The following SKOR2 variants were observed in gnomAD, a reference collection of about 807,000 sequenced individuals.
The protein encoded by SKOR2 is SKI family transcriptional corepressor 2, also known as LBX1 corepressor 1-like protein.
A neutral mutation model predicts 69.1 loss-of-function variants in SKOR2; 47 were observed. That is an observed-to-expected ratio of 0.68 (90% CI 0.54 to 0.87). The LOEUF is 0.87. SKOR2 is among the 40% of genes least tolerant of loss of function. The pLI is 0.00. For missense variants in SKOR2, 1,404 were observed against 1,472.2 expected, an observed-to-expected ratio of 0.95 and a Z score of 0.76; for synonymous variants, 717 against 672.6, an observed-to-expected ratio of 1.07 and a Z score of -1.02.
chr18:47,239,670 C>G (rs1235483698), intron 4 of SKOR2, among the ~76,000 whole-genome samples: 1 of 152,090 alleles, frequency 6.6e-6, no homozygotes, highest in African/African-American at 2.4e-5. Flanking sequence ...TTGCCCTTCT[C>G]TATCTCCTTG....
chr18:47,247,078 GGGCGGCGGCGGCGGC>G lies in SKOR2; in HGVS notation c.2091_2105del (p.Pro702_Pro706del), dbSNP rs753158744. The G allele has an allele frequency of 2.9e-6, 4 of 1,369,138 alleles. No individual in the cohort carries two copies. The Admixed American group carries it at 9.5e-5, about 33-fold the overall frequency. 84.8% of individuals were successfully genotyped at this position (1,369,138 alleles called of 1,614,324 possible). Reference sequence around the variant, plus strand: ...GGTGCTGGGCCAGAGGGGGCGGCGGGGGCGGCGGCGGCGGCGGCGGCGGGGCCGGGTGGTGGCGCT... The same window carrying G: ...GGTGCTGGGCCAGAGGGGGCGGCGGGGGCGGCGGGGCCGGGTGGTGGCGCT... On this transcript the variant is annotated inframe_deletion, in exon 2 of 9. Coordinates refer to ENST00000425639, the MANE Select transcript of SKOR2 (RefSeq NM_001278063.4). The surrounding 1 kb of genome is among the most constrained non-coding windows in gnomAD (Gnocchi z 6.6).
chr18:47,220,804 T>C lies in SKOR2; in HGVS notation c.2918-794A>G, dbSNP rs569565684. On this transcript the variant is annotated intron_variant, in intron 6 of 8. Transcript: ENST00000425639. ...GCCTTTTTCTGCACTGAAGGAGAAA[T>C]GAGCACGATTTCTTATTGAATTTGT... Among the ~76,000 whole-genome samples, 5 of 152,294 alleles carry C rather than the reference T, an allele frequency of 3.3e-5. No homozygotes were observed. In the South Asian group the frequency reaches 1.0e-3, roughly 32 times the overall value.
chr18:47,249,215 A>G lies in SKOR2; in HGVS notation c.-32T>C. The stretch of plus-strand genomic sequence containing the variant: ...CGCAGAACCCCGGGCCGAGCCCTAC[A>G]GGTCTGCCTTGGACACTGGAAGGGA... On this transcript the variant is annotated 5_prime_UTR_variant, in exon 2 of 9. Transcript: ENST00000425639. 1 of 1,524,846 alleles carries G rather than the reference A, an allele frequency of 6.6e-7. No homozygotes were observed. The highest frequency in any genetic ancestry group is 8.8e-7 in the Non-Finnish European group (1 of 1,141,264). 94.5% of individuals were successfully genotyped at this position (1,524,846 alleles called of 1,614,324 possible).
chr18:47,231,546 TA>T (rs201396814), intron 4 of SKOR2, among the ~76,000 whole-genome samples: 6 of 151,534 alleles, frequency 4.0e-5, no homozygotes, highest in Admixed American at 6.6e-5. Context: ...TGTTTTTTTT[TA>T]AAAAAAACAA....
At chr18:47,209,255 G>A (rs990196289) in intron 8 of SKOR2, among the ~76,000 whole-genome samples, 9 of 152,072 alleles carry the variant, frequency 5.9e-5, no homozygotes, top group African/African-American at 2.2e-4. Flanking sequence ...TAGTCATATT[G>A]GAATCCACTG....
intron 6 of SKOR2, among the ~76,000 whole-genome samples, chr18:47,228,218 C>T (rs903314782): frequency 6.6e-6 from 1 of 152,226 alleles, no homozygotes; most frequent in African/African-American, 2.4e-5. Context: ...ATCTAAACCA[C>T]GCATTATTTA....
intron 6 of SKOR2, 84 bp downstream of exon 6, chr18:47,230,375 A>T: frequency 1.2e-6 from 1 of 841,238 alleles, no homozygotes; most frequent in Non-Finnish European, 1.6e-6. Flanking sequence ...ACAATCGCTT[A>T]ATACTTAGAA....
chr18:47,209,425 C>T (rs568381797), intron 8 of SKOR2, among the ~76,000 whole-genome samples: 32 of 152,230 alleles, frequency 2.1e-4, no homozygotes, highest in Middle Eastern at 3.4e-3. Context: ...TGGGGTAACT[C>T]CTTGCAGACT....
intron 6 of SKOR2, among the ~76,000 whole-genome samples, chr18:47,226,151 A>C (rs1198924360): frequency 6.6e-6 from 1 of 152,154 alleles, no homozygotes; most frequent in African/African-American, 2.4e-5. Flanking sequence ...AATGGGAAGA[A>C]ATAAAAATGA....
At chr18:47,241,834 G>C (rs748319307) in intron 4 of SKOR2, among the ~76,000 whole-genome samples, 1 of 152,104 alleles carries the variant, frequency 6.6e-6, no homozygotes, top group Non-Finnish European at 1.5e-5. Flanking sequence ...AATAATGTGA[G>C]AATGAAACTG....
At chr18:47,249,279 CAG>C in intron 1 of SKOR2, 49 bp from the exon 2 acceptor site, 1 of 1,396,918 alleles carries the variant, frequency 7.2e-7, no homozygotes, top group Non-Finnish European at 9.4e-7. Flanking sequence ...CAGACTAAAA[CAG>C]AGGGGTGGGA....
chr18:47,249,325 T>C, intron 1 of SKOR2, 95 bp from the exon 2 acceptor site: 1 of 1,186,520 alleles, frequency 8.4e-7, no homozygotes, highest in Non-Finnish European at 1.1e-6. Context: ...AATAACTTTC[T>C]TGCTTTGGTT....
chr18:47,247,754 C>A lies in SKOR2; in HGVS notation c.1430G>T (p.Gly477Val). 1 of 1,375,908 alleles carries A rather than the reference C, an allele frequency of 7.3e-7. No homozygotes were observed. The highest frequency in any genetic ancestry group is 9.3e-7 in the Non-Finnish European group (1 of 1,075,426). The allele number at this position is 1,375,908 out of a possible 1,614,324, so 85.2% of individuals were successfully genotyped here. A position where few individuals can be genotyped will look rare whatever the true frequency, so the allele number is the denominator to read the frequency against. ...CAGGTAGGTGGGCACCGGGAGCCCG[C>A]CAGGGGTCCGCGGCGGCCAGAACAT... The part of the protein sequence containing the change: ...FCMFWPPRTP[G>V]GLPVPTYLQP... The change falls in exon 2 of 9, where the codon GGC (glycine) becomes GTC (valine). Residue 477 changes from glycine to valine, a missense_variant. By Grantham distance (109) the Gly-to-Val change is moderately radical. Coordinates refer to ENST00000425639, the MANE Select transcript of SKOR2 (RefSeq NM_001278063.4). This position sits in a 1 kb window ranked among gnomAD's most constrained non-coding sequence, Gnocchi z 6.6.
rs746137830 is a variant in SKOR2, at chr18:47,248,602, G to T, written c.582C>A (p.Pro194=). The T allele has an allele frequency of 1.3e-6, 2 of 1,543,248 alleles. No individual in the cohort carries two copies. The highest frequency in any genetic ancestry group is 2.7e-5 in the African/African-American group (2 of 73,268). Residue 194 remains proline, a synonymous_variant, in exon 2 of 9, where the codon CCC becomes CCA. Transcript: ENST00000425639. The surrounding 1 kb of genome is among the most constrained non-coding windows in gnomAD (Gnocchi z 6.4). ...NKFIFHSHRT[P]DAKYTQPDAA... The stretch of plus-strand genomic sequence containing the variant: ...CGTCTGGCTGAGTGTACTTGGCGTC[G>T]GGCGTGCGGTGGGAGTGGAAAATGA...
intron 4 of SKOR2, among the ~76,000 whole-genome samples, chr18:47,239,225 A>C (rs1403068632): frequency 2.0e-5 from 3 of 152,204 alleles, no homozygotes; most frequent in African/African-American, 7.2e-5. Flanking sequence ...TAAAAAAGCA[A>C]GGTTAAATAA....
intron 4 of SKOR2, among the ~76,000 whole-genome samples, chr18:47,233,973 A>G (rs1467086432): frequency 6.6e-6 from 1 of 152,202 alleles, no homozygotes; most frequent in African/African-American, 2.4e-5. Context: ...TTGCATTGGC[A>G]TCTATTTCAA....
In SKOR2 at chr18:47,212,167, A is replaced by C; in HGVS notation, c.2986-16T>G. 6 of 1,231,920 alleles carry C rather than the reference A, an allele frequency of 4.9e-6. No individual in the cohort carries two copies. The highest frequency in any genetic ancestry group is 6.1e-6 in the Non-Finnish European group (6 of 987,810). The allele number at this position is 1,231,920 out of a possible 1,614,324, so 76.3% of individuals were successfully genotyped here. A position where few individuals can be genotyped will look rare whatever the true frequency, so the allele number is the denominator to read the frequency against. The stretch of plus-strand genomic sequence containing the variant: ...CATAGGGGATCTGTAAGACAAAAAC[A>C]AGCAACACCATCCAGGTAAGCTAGA... On this transcript the variant is annotated splice_polypyrimidine_tract_variant and intron_variant, in intron 7 of 8. Transcript: ENST00000425639.
chr18:47,231,546 T>A lies in SKOR2; in HGVS notation c.2753-546A>T, dbSNP rs118160784. Among the ~76,000 whole-genome samples, 829 of 151,652 alleles carry A rather than the reference T, an allele frequency of 5.5e-3. 25 individuals are homozygous for A. The East Asian group carries it at 0.095, about 17-fold the overall frequency. On this transcript the variant is annotated intron_variant, in intron 4 of 8. Transcript: ENST00000425639. ...TAATAATTGATAGTTTGTTTTTTTT[T>A]AAAAAAAACAACTTGGGCCGGGCGC... is the stretch of plus-strand genomic sequence containing the variant.
Position 47,247,117 on chromosome 18 carries a change from C to T in SKOR2, c.2067G>A (p.Glu689=). ...LPPQPDEPGS[E]RHHPAPPPPP... Reference sequence around the variant, plus strand: ...GCGGCGGCGGGGCCGGGTGGTGGCGCTCGGAACCCGGCTCGTCGGGCTGCG... The same window carrying T: ...GCGGCGGCGGGGCCGGGTGGTGGCGTTCGGAACCCGGCTCGTCGGGCTGCG... Residue 689 remains glutamate, a synonymous_variant, in exon 2 of 9, where the codon GAG becomes GAA. Coordinates refer to ENST00000425639, the MANE Select transcript of SKOR2 (RefSeq NM_001278063.4). The surrounding 1 kb of genome is among the most constrained non-coding windows in gnomAD (Gnocchi z 6.6). 7.7e-7 allele frequency: 1 copy of T among 1,296,178 alleles called. No individual in the cohort carries two copies. The highest frequency in any genetic ancestry group is 9.7e-7 in the Non-Finnish European group (1 of 1,031,900). 80.3% of individuals were successfully genotyped at this position (1,296,178 alleles called of 1,614,324 possible). A position where few individuals can be genotyped will look rare whatever the true frequency, so the allele number is the denominator to read the frequency against.
Sources: gnomAD v4.1 joint callset for allele counts (sites outside exome capture counted in the v4.1 genomes callset) on GRCh38, gnomAD v4.1.1 for gene constraint, Gnocchi (gnomAD v3.1) non-coding constraint, MANE v1.5 for transcripts, NCBI Gene and HGNC (gene_info 2026-07-23, HGNC 2026-07-21) for gene names.